The following CDH10 variants were observed in gnomAD, a reference collection of about 807,000 sequenced individuals.
CDH10 encodes the protein cadherin 10, also known as cadherin-10.
In CDH10, 30 loss-of-function variants were observed where a neutral mutation model predicts 73.1. The observed-to-expected ratio is 0.41, with a 90% confidence interval of 0.31 to 0.56. The LOEUF is 0.56. CDH10 is among the 20% of genes least tolerant of loss of function. The probability of loss-of-function intolerance (pLI) is 0.27; values close to 1 mark genes in which losing one functional copy is unlikely to be tolerated. For synonymous variants in CDH10, 345 were observed against 348.2 expected (o/e 0.99, Z 0.10); for missense variants, 815 against 973.7 (o/e 0.84, Z 2.17).
chr5:24,544,105 G>A (rs1579785172), intron 2 of CDH10, among the ~76,000 whole-genome samples: 1 of 151,998 alleles, frequency 6.6e-6, no homozygotes, highest in Non-Finnish European at 1.5e-5. Flanking sequence ...ACCATCCTGG[G>A]CAACATGGTG....
chr5:24,581,140 C>T (rs1745782811), intron 2 of CDH10, among the ~76,000 whole-genome samples: 1 of 152,118 alleles, frequency 6.6e-6, no homozygotes, highest in South Asian at 2.1e-4. Flanking sequence ...CCTAGGGATT[C>T]TGGGCACCCC....
chr5:24,605,234 G>A (rs961863871), intron 1 of CDH10, among the ~76,000 whole-genome samples: 22 of 152,180 alleles, frequency 1.4e-4, no homozygotes, highest in Non-Finnish European at 2.4e-4. Context: ...AAAGGATATA[G>A]AGCAGGGATA....
At chr5:24,626,480 G>A (rs1408314651) in intron 1 of CDH10, among the ~76,000 whole-genome samples, 5 of 152,020 alleles carry the variant, frequency 3.3e-5, no homozygotes, top group Admixed American at 2.0e-4. Flanking sequence ...AGTTACCCAC[G>A]TTAAGCATGA....
intron 1 of CDH10, among the ~76,000 whole-genome samples, chr5:24,604,952 T>C (rs1746708074): frequency 6.8e-6 from 1 of 146,762 alleles, no homozygotes; most frequent in African/African-American, 2.6e-5. Context: ...TAATTGAAAA[T>C]GTGTCTCTGA....
chr5:24,581,726 T>C (rs1460387377), intron 2 of CDH10, among the ~76,000 whole-genome samples: 1 of 152,108 alleles, frequency 6.6e-6, no homozygotes, highest in Non-Finnish European at 1.5e-5. Flanking sequence ...GTTATAATCA[T>C]CCAGACGAAG....
chr5:24,561,751 G>T (rs1378921507), intron 2 of CDH10, among the ~76,000 whole-genome samples: 1 of 152,126 alleles, frequency 6.6e-6, no homozygotes, highest in Non-Finnish European at 1.5e-5. Flanking sequence ...AGTAAGATCA[G>T]TTCATCTCTA....
At chr5:24,614,241 A>G (rs1214048364) in intron 1 of CDH10, among the ~76,000 whole-genome samples, 1 of 152,212 alleles carries the variant, frequency 6.6e-6, no homozygotes, top group African/African-American at 2.4e-5. Flanking sequence ...CTTGCAATGA[A>G]CATTTATGAA....
At position 24,598,377 on chromosome 5, in the gene CDH10, C is replaced by A. The variant is rs139050167; in HGVS notation, c.-123-4764G>T. On this transcript the variant is annotated intron_variant, in intron 1 of 11. Coordinates refer to ENST00000264463, the MANE Select transcript of CDH10 (RefSeq NM_006727.5). The stretch of plus-strand genomic sequence containing the variant: ...TTTTAAGTATTCTGCATATGTATTT[C>A]TATTTAGACTGTAAGTTTGAGGCAG... 1.8e-3 allele frequency among the ~76,000 whole-genome samples: 270 copies of A among 151,966 alleles called. 9 individuals carry two copies. In the East Asian group the frequency reaches 0.046, roughly 26 times the overall value.
At chr5:24,536,675 A>G (rs2111887982) in intron 3 of CDH10, among the ~76,000 whole-genome samples, 1 of 152,088 alleles carries the variant, frequency 6.6e-6, no homozygotes, top group East Asian at 1.9e-4. Context: ...TACATCTCCC[A>G]TTTATGTACA....
At chr5:24,630,868 T>C (rs1341851934) in intron 1 of CDH10, among the ~76,000 whole-genome samples, 1 of 151,916 alleles carries the variant, frequency 6.6e-6, no homozygotes, top group Non-Finnish European at 1.5e-5. Flanking sequence ...GCATTTGTAA[T>C]TGCAAAAAAA....
chr5:24,583,934 T>G (rs1745886509), intron 2 of CDH10, among the ~76,000 whole-genome samples: 1 of 152,164 alleles, frequency 6.6e-6, no homozygotes, highest in Admixed American at 6.5e-5. Flanking sequence ...TGAGCCACCG[T>G]GCCCGGCCAA....
chr5:24,491,631 G>A lies in CDH10; in HGVS notation c.1821C>T (p.Ala607=), dbSNP rs150595829. ...CGATCAAGGCCCCAGTGCTGAGGCC[G>A]GCAGGGAGGAGCAGGGCTTCAGCAC... is the stretch of plus-strand genomic sequence containing the variant. ...SCSAEALLLP[A]GLSTGALIAI... is the part of the protein sequence containing the mutation. Residue 607 remains alanine, a synonymous_variant, in exon 11 of 12, where the codon GCC becomes GCT. Coordinates refer to ENST00000264463, the MANE Select transcript of CDH10 (RefSeq NM_006727.5). The A allele has an allele frequency of 3.1e-5, 50 of 1,613,094 alleles. No individual in the cohort carries two copies. The highest frequency in any genetic ancestry group is 1.5e-4 in the Admixed American group (9 of 59,976).
chr5:24,578,787 A>C (rs572336032), intron 2 of CDH10, among the ~76,000 whole-genome samples: 11 of 152,290 alleles, frequency 7.2e-5, no homozygotes, highest in Admixed American at 6.5e-4. Context: ...CACAGAAATT[A>C]TTTAAGACAA....
intron 1 of CDH10, among the ~76,000 whole-genome samples, chr5:24,605,896 T>C (rs781263671): frequency 2.6e-5 from 4 of 152,204 alleles, no homozygotes; most frequent in Non-Finnish European, 5.9e-5. Context: ...GAATCAACAA[T>C]TGACACATGG....
chr5:24,593,434 G>C lies in CDH10; in HGVS notation c.57C>G (p.Phe19Leu). 1 of 1,612,594 alleles carries C rather than the reference G, an allele frequency of 6.2e-7. No homozygotes were observed. Reference protein sequence around the residue: ...LFLFWVCLPHFCSPEIMFRRT... With the variant: ...LFLFWVCLPHLCSPEIMFRRT... ...TTCTGAACATTATTTCTGGAGAGCA[G>C]AAATGTGGCAGGCATACCCAGAATA... The change falls in exon 2 of 12, where the codon TTC (phenylalanine) becomes TTG (leucine). Residue 19 changes from phenylalanine to leucine, a missense_variant. This residue lies in a region of CDH10 where 58 missense variants were observed against 96.7 expected (regional missense o/e 0.60). Coordinates refer to ENST00000264463, the MANE Select transcript of CDH10 (RefSeq NM_006727.5).
chr5:24,509,386 C>T (rs1049538141), intron 7 of CDH10, among the ~76,000 whole-genome samples, 180 bp downstream of exon 7: 2 of 151,398 alleles, frequency 1.3e-5, no homozygotes, highest in African/African-American at 2.4e-5. Flanking sequence ...ATTACAGGCA[C>T]GTGCCACCAA....
At chr5:24,564,231 T>C (rs746288813) in intron 2 of CDH10, among the ~76,000 whole-genome samples, 1 of 152,222 alleles carries the variant, frequency 6.6e-6, no homozygotes, top group Non-Finnish European at 1.5e-5. Context: ...TATGTAGATA[T>C]ATTTCTTTTT....
chr5:24,644,400 C>G (rs545652558), intron 1 of CDH10, among the ~76,000 whole-genome samples, 194 bp downstream of exon 1: 1 of 152,102 alleles, frequency 6.6e-6, no homozygotes, highest in East Asian at 1.9e-4. Context: ...TATAGATATT[C>G]GAAGCAGTTG....
chr5:24,574,121 G>A (rs1395006716), intron 2 of CDH10, among the ~76,000 whole-genome samples: 2 of 151,866 alleles, frequency 1.3e-5, no homozygotes, highest in African/African-American at 4.8e-5. Flanking sequence ...TCCTGACCTC[G>A]TGATCCGCCC....
Sources: allele counts gnomAD v4.1 joint callset (sites outside exome capture counted in the v4.1 genomes callset), GRCh38; gene constraint gnomAD v4.1.1; regional missense constraint gnomAD v4.1.1; transcripts MANE v1.5; gene names NCBI Gene and HGNC (gene_info 2026-07-23, HGNC 2026-07-21).